The following SYN3 variants were observed in gnomAD, a reference collection of about 807,000 sequenced individuals.
SYN3 encodes synapsin-3.
Under a neutral mutation model 65.8 loss-of-function variants are expected in SYN3, and 35 were observed. That is an observed-to-expected ratio of 0.53 (90% CI 0.41 to 0.70). SYN3 has a LOEUF of 0.70. Ranked by LOEUF, SYN3 falls within the 30% of genes least tolerant of loss-of-function variation. SYN3 has a pLI of 0.00. For missense variants in SYN3, 680 were observed against 749.0 expected (o/e 0.91, Z 1.08); for synonymous variants, 270 against 292.9 (o/e 0.92, Z 0.80).
At chr22:32,969,655 G>T (rs1456681825) in intron 3 of SYN3, among the ~76,000 whole-genome samples, 1 of 152,120 alleles carries the variant, frequency 6.6e-6, no homozygotes, top group Non-Finnish European at 1.5e-5. Flanking sequence ...ATAATTTCAC[G>T]TGTGTGCTAA....
intron 6 of SYN3, among the ~76,000 whole-genome samples, chr22:32,630,460 A>C (rs2059732288): frequency 6.6e-6 from 1 of 152,194 alleles, no homozygotes; most frequent in Non-Finnish European, 1.5e-5. Context: ...GATGAGCAAA[A>C]TACTAATATT....
intron 3 of SYN3, among the ~76,000 whole-genome samples, chr22:32,963,164 C>T (rs2051713710): frequency 6.6e-6 from 1 of 151,058 alleles, no homozygotes; most frequent in Non-Finnish European, 1.5e-5. Flanking sequence ...GCAATCTCTG[C>T]CTCTCGGGTT....
intron 12 of SYN3, among the ~76,000 whole-genome samples, chr22:32,523,288 G>A (rs188499415): frequency 7.6e-4 from 116 of 152,264 alleles, no homozygotes; most frequent in Admixed American, 5.9e-3. Flanking sequence ...CAAGGCAGGC[G>A]GATCACAAGG....
chr22:32,548,102 C>T (rs539872101), intron 7 of SYN3, among the ~76,000 whole-genome samples: 1 of 152,344 alleles, frequency 6.6e-6, no homozygotes, highest in Non-Finnish European at 1.5e-5. Context: ...TCTTAAACTA[C>T]ATAATACCCA....
intron 6 of SYN3, among the ~76,000 whole-genome samples, chr22:32,730,181 T>C (rs2061251436): frequency 6.6e-6 from 1 of 152,230 alleles, no homozygotes; most frequent in Non-Finnish European, 1.5e-5. Context: ...GAATAACCAT[T>C]GTAATGGTGG....
chr22:32,913,418 A>G (rs1202555030), intron 4 of SYN3, among the ~76,000 whole-genome samples: 2 of 152,038 alleles, frequency 1.3e-5, no homozygotes, highest in African/African-American at 2.4e-5. Context: ...TCGGCCTCCC[A>G]AAGTGCTGGG....
chr22:32,713,522 C>A (rs1302344429), intron 6 of SYN3, among the ~76,000 whole-genome samples: 1 of 152,180 alleles, frequency 6.6e-6, no homozygotes, highest in Non-Finnish European at 1.5e-5. Flanking sequence ...TCAGACTTGA[C>A]AATATGTCCT....
At chr22:32,668,810 G>A (rs2060325012) in intron 6 of SYN3, among the ~76,000 whole-genome samples, 1 of 152,138 alleles carries the variant, frequency 6.6e-6, no homozygotes, top group African/African-American at 2.4e-5. Context: ...CCTGCCATCT[G>A]CCCCATGAAA....
At chr22:33,033,288 AC>A (rs2053787867) in intron 1 of SYN3, among the ~76,000 whole-genome samples, 1 of 152,198 alleles carries the variant, frequency 6.6e-6, no homozygotes, top group Non-Finnish European at 1.5e-5. Flanking sequence ...GGCATGAGCC[AC>A]CAGGCCCAGC....
chr22:33,052,223 A>T (rs1010586429), intron 1 of SYN3, among the ~76,000 whole-genome samples: 1 of 152,010 alleles, frequency 6.6e-6, no homozygotes, highest in South Asian at 2.1e-4. Context: ...CCTTGGGCTC[A>T]CCTCCTGGTT....
intron 4 of SYN3, among the ~76,000 whole-genome samples, chr22:32,877,460 T>C (rs1569296836): frequency 1.3e-5 from 2 of 152,154 alleles, no homozygotes; most frequent in Non-Finnish European, 2.9e-5. Context: ...ACTGTGGACA[T>C]TTTCAGGCTG....
At chr22:32,840,288 TAGTC>T (rs1260767365) in intron 6 of SYN3, among the ~76,000 whole-genome samples, 2 of 152,294 alleles carry the variant, frequency 1.3e-5, no homozygotes, top group East Asian at 3.9e-4. Context: ...CGGAAAGAGT[TAGTC>T]AGGACAGGCT....
intron 6 of SYN3, among the ~76,000 whole-genome samples, chr22:32,785,727 G>A (rs2046175948): frequency 6.6e-6 from 1 of 152,130 alleles, no homozygotes; most frequent in Non-Finnish European, 1.5e-5. Flanking sequence ...AAGTTACTCT[G>A]TCTTATCATC....
At position 32,532,877 on chromosome 22, in the gene SYN3, G is replaced by A. The variant is rs1165212480; in HGVS notation, c.1095+916C>T. Among the ~76,000 whole-genome samples, 6 of 152,244 alleles carry A rather than the reference G, an allele frequency of 3.9e-5. No individual in the cohort carries two copies. In the East Asian group the frequency reaches 5.8e-4, roughly 15 times the overall value. On this transcript the variant is annotated intron_variant, in intron 10 of 13. Transcript: ENST00000358763. Reference sequence around the variant, plus strand: ...CCCATGGAAGGAGGGGGCTGGACGCGGCACTGGAGCTGTGAGTGTGGAGAT... The same window carrying A: ...CCCATGGAAGGAGGGGGCTGGACGCAGCACTGGAGCTGTGAGTGTGGAGAT...
intron 6 of SYN3, among the ~76,000 whole-genome samples, chr22:32,667,030 A>G (rs2147042156): frequency 6.6e-6 from 1 of 152,348 alleles, no homozygotes; most frequent in African/African-American, 2.4e-5. Flanking sequence ...ACACAAGGTC[A>G]GGAGATCAAG....
intron 6 of SYN3, among the ~76,000 whole-genome samples, chr22:32,597,440 TC>T (rs551762059): frequency 6.6e-6 from 1 of 152,184 alleles, no homozygotes; most frequent in East Asian, 1.9e-4. Flanking sequence ...GGTCTTGAAC[TC>T]CTGACCTCAG....
chr22:32,518,106 C>A lies in SYN3; in HGVS notation c.1547G>T (p.Gly516Val), dbSNP rs574127377. 1.6e-5 allele frequency: 25 copies of A among 1,584,704 alleles called. No homozygotes were observed. Among genetic ancestry groups the A allele is most frequent in the East Asian group, 6.7e-5 (3 of 44,660 alleles). Residue 516 changes from glycine to valine, a missense_variant, in exon 13 of 14, where the codon GGC (glycine) becomes GTC (valine). Coordinates refer to ENST00000358763, the MANE Select transcript of SYN3 (RefSeq NM_003490.4). ...TTCACCCTGCTGGGAGGTACTACGG[C>A]CCTGCACAGGGGGCCGGGGCTGTGA... ...LASQPRPPVQ[G>V]RSTSQQGEES... is the part of the protein sequence containing the mutation.
chr22:32,622,385 T>C (rs989830671), intron 6 of SYN3, among the ~76,000 whole-genome samples: 5 of 152,112 alleles, frequency 3.3e-5, no homozygotes, highest in African/African-American at 1.2e-4. Context: ...GGAAATTCCT[T>C]TGAGGTCGAG....
At chr22:32,682,345 T>A (rs972445213) in intron 6 of SYN3, among the ~76,000 whole-genome samples, 5 of 152,170 alleles carry the variant, frequency 3.3e-5, no homozygotes, top group Admixed American at 3.3e-4. Flanking sequence ...TTGAGGATCT[T>A]GAACAGAGGA....
Sources: gnomAD v4.1 joint callset for allele counts (sites outside exome capture counted in the v4.1 genomes callset) on GRCh38, gnomAD v4.1.1 for gene constraint, MANE v1.5 for transcripts, NCBI Gene and HGNC (gene_info 2026-07-23, HGNC 2026-07-21) for gene names.